The following ABCC4 variants were observed in gnomAD, a reference collection of about 807,000 sequenced individuals.
ABCC4 encodes the protein ATP binding cassette subfamily C member 4 (PEL blood group).
In ABCC4, 102 loss-of-function variants were observed where a neutral mutation model predicts 168.5. The observed-to-expected ratio is 0.61, with a 90% CI of 0.52 to 0.71. The LOEUF is 0.71. Among genes scored for constraint, ABCC4 ranks in the 30% least tolerant of loss-of-function variants. The probability of loss-of-function intolerance (pLI) is 0.00; values close to 1 mark genes in which losing one functional copy is unlikely to be tolerated. For synonymous variants in ABCC4, 617 were observed against 590.7 expected, an observed-to-expected ratio of 1.04 and a Z score of -0.65; for missense variants, 1,402 against 1,605.8, an observed-to-expected ratio of 0.87 and a Z score of 2.17.
At chr13:95,148,332 G>A (rs1057312264) in intron 19 of ABCC4, among the ~76,000 whole-genome samples, 3 of 152,072 alleles carry the variant, frequency 2.0e-5, no homozygotes, top group African/African-American at 7.2e-5. Context: ...TCACATTTGG[G>A]CAGGCTGATT....
At chr13:95,264,061 A>G (rs1420452616) in intron 1 of ABCC4, among the ~76,000 whole-genome samples, 7 of 152,352 alleles carry the variant, frequency 4.6e-5, no homozygotes, top group Admixed American at 4.6e-4. Context: ...CCCACTGGCC[A>G]AACCTGGGAC....
chr13:95,296,177 CACACACAAA>C (rs2041530166), intron 1 of ABCC4, among the ~76,000 whole-genome samples: 1 of 69,764 alleles, frequency 1.4e-5, no homozygotes, highest in Admixed American at 1.6e-4. Flanking sequence ...CACACACACA[CACACACAAA>C]AACACAAAAT....
At chr13:95,240,953 A>G (rs2039924916) in intron 3 of ABCC4, among the ~76,000 whole-genome samples, 1 of 151,272 alleles carries the variant, frequency 6.6e-6, no homozygotes, top group Non-Finnish European at 1.5e-5. Context: ...CCTGGGTGAC[A>G]GAGTGAGACT....
At chr13:95,180,886 C>CT (rs1186924331) in intron 11 of ABCC4, among the ~76,000 whole-genome samples, 3 of 152,202 alleles carry the variant, frequency 2.0e-5, no homozygotes, top group African/African-American at 4.8e-5. Flanking sequence ...GGTAGTAGCA[C>CT]TTTGAGTACT....
chr13:95,070,193 G>C (rs142099209), intron 25 of ABCC4, among the ~76,000 whole-genome samples: 1 of 152,138 alleles, frequency 6.6e-6, no homozygotes, highest in African/African-American at 2.4e-5. Context: ...GCAGTGTGCC[G>C]GGAATGTGAC....
intron 19 of ABCC4, among the ~76,000 whole-genome samples, chr13:95,146,948 A>T (rs1209616042): frequency 5.3e-5 from 8 of 152,234 alleles, no homozygotes; most frequent in Non-Finnish European, 1.0e-4. Flanking sequence ...AGGGTGGGGC[A>T]AAACTATTAT....
At chr13:95,189,948 A>G (rs1486829014) in intron 9 of ABCC4, among the ~76,000 whole-genome samples, 2 of 152,176 alleles carry the variant, frequency 1.3e-5, no homozygotes, top group African/African-American at 4.8e-5. Context: ...TTCCTAAACA[A>G]TCTATAAATT....
chr13:95,281,846 C>T (rs2041132673), intron 1 of ABCC4, among the ~76,000 whole-genome samples: 1 of 152,162 alleles, frequency 6.6e-6, no homozygotes. Context: ...ATGGCTCACA[C>T]CTGTAATCCC....
chr13:95,156,399 G>A (rs2036855479), intron 19 of ABCC4, among the ~76,000 whole-genome samples: 1 of 152,196 alleles, frequency 6.6e-6, no homozygotes, highest in Admixed American at 6.5e-5. Context: ...AGATCATGCT[G>A]CCCTCTTGTG....
intron 1 of ABCC4, among the ~76,000 whole-genome samples, chr13:95,290,390 C>T (rs920118005): frequency 6.6e-6 from 1 of 152,086 alleles, no homozygotes; most frequent in Non-Finnish European, 1.5e-5. Flanking sequence ...TGAAAAGCAG[C>T]ACCAAGAGCC....
At chr13:95,236,053 T>A (rs1397869045) in intron 3 of ABCC4, among the ~76,000 whole-genome samples, 1 of 152,098 alleles carries the variant, frequency 6.6e-6, no homozygotes, top group East Asian at 1.9e-4. Context: ...CCTCCAAGAC[T>A]AAAGGCAAAG....
rs528663647 is a variant in ABCC4 at position 95,279,910 on chromosome 13, C to A, written c.74+21331G>T. On this transcript the variant is annotated intron_variant, in intron 1 of 30. Coordinates refer to ENST00000645237, the MANE Select transcript of ABCC4 (RefSeq NM_005845.5). ...CTGGCCCAATTCCCTGGGACCACCACCCTGGAAGGACACTTGAGCCCTACT... is the reference window on the plus strand; with the variant it reads ...CTGGCCCAATTCCCTGGGACCACCAACCTGGAAGGACACTTGAGCCCTACT... Among the ~76,000 whole-genome samples, 569 of 152,236 alleles carry A rather than the reference C, an allele frequency of 3.7e-3. 5 individuals carry two copies. Among genetic ancestry groups the A allele is most frequent in the Non-Finnish European group, 5.7e-3 (391 of 68,022 alleles).
In ABCC4 at chr13:95,236,616, ACACACT is replaced by A. The variant is rs3047253; in HGVS notation, c.307-1788_307-1783del. Among the ~76,000 whole-genome samples, 192 of 152,026 alleles carry A rather than the reference ACACACT, an allele frequency of 1.3e-3. 1 individual carries two copies. The highest frequency in any genetic ancestry group is 6.8e-3 in the Middle Eastern group (2 of 294). ...CGCGCGTGCGCGCACACACACACACACACACTCTCTCTCACACACTTCACCAACTGC... is the reference window on the plus strand; with the variant it reads ...CGCGCGTGCGCGCACACACACACACACTCTCTCACACACTTCACCAACTGC... On this transcript the variant is annotated intron_variant, in intron 3 of 30. Coordinates refer to ENST00000645237, the MANE Select transcript of ABCC4 (RefSeq NM_005845.5).
At chr13:95,202,644 CTT>C (rs10603210) in intron 8 of ABCC4, among the ~76,000 whole-genome samples, 2 of 93,064 alleles carry the variant, frequency 2.1e-5, no homozygotes, top group Admixed American at 1.2e-4. Flanking sequence ...AGAATGTGCA[CTT>C]TTTTTTTTTT....
At position 95,046,351 on chromosome 13, in the gene ABCC4, T is replaced by C. The variant is rs191722382; in HGVS notation, c.3457-1913A>G. Among the ~76,000 whole-genome samples the C allele has an allele frequency of 1.8e-3, 267 of 152,298 alleles. 1 individual carries two copies. Among genetic ancestry groups the C allele is most frequent in the Non-Finnish European group, 2.6e-3 (176 of 68,012 alleles). ...TGGGTTTTGACCCTCCTTGAGGTTA[T>C]CCACATTGACTTGATGAAGAATAGG... On this transcript the variant is annotated intron_variant, in intron 27 of 30. Coordinates refer to ENST00000645237, the MANE Select transcript of ABCC4 (RefSeq NM_005845.5).
In ABCC4 at chr13:95,073,563, G is replaced by A. The variant is rs146086289; in HGVS notation, c.2918-259C>T. On this transcript the variant is annotated intron_variant, in intron 23 of 30. Coordinates refer to ENST00000645237, the MANE Select transcript of ABCC4 (RefSeq NM_005845.5). ...AGATTTAATTAACAGTATTACAAAC[G>A]CAAGAAATAATGTCATTATTCAGAC... is the stretch of plus-strand genomic sequence containing the variant. 5.5e-4 allele frequency: 159 copies of A among 287,992 alleles called. 2 individuals are homozygous for A. The East Asian group carries it at 9.7e-3, about 18-fold the overall frequency. The allele number at this position is 287,992 out of a possible 1,614,324, so 17.8% of individuals were successfully genotyped here.
chr13:95,124,207 T>G (rs1211021737), intron 19 of ABCC4, among the ~76,000 whole-genome samples: 1 of 152,110 alleles, frequency 6.6e-6, no homozygotes, highest in African/African-American at 2.4e-5. Flanking sequence ...GATGGACGTT[T>G]TACACATTTG....
At chr13:95,028,281 T>C (rs996097452) in intron 30 of ABCC4, among the ~76,000 whole-genome samples, 3 of 152,160 alleles carry the variant, frequency 2.0e-5, no homozygotes, top group Admixed American at 6.5e-5. Context: ...ATTAACAAAG[T>C]AGAACTAATT....
Position 95,026,888 on chromosome 13 carries a change from CAA to C in ABCC4, c.3871-5208_3871-5207del, listed in dbSNP as rs35654581. On this transcript the variant is annotated intron_variant, in intron 30 of 30. Transcript: ENST00000645237. ...TGGACAACAGAGCAAGACCCTGTCTCAAAAAAAAAAAAGAAAAAGAAAGAAAG... is the reference window on the plus strand; with the variant it reads ...TGGACAACAGAGCAAGACCCTGTCTCAAAAAAAAAAGAAAAAGAAAGAAAG... Among the ~76,000 whole-genome samples, 450 of 142,496 alleles carry C rather than the reference CAA, an allele frequency of 3.2e-3. 3 individuals carry two copies. Among genetic ancestry groups the C allele is most frequent in the African/African-American group, 9.4e-3 (362 of 38,676 alleles). 93.5% of individuals were successfully genotyped at this position (142,496 alleles called of 152,430 possible).
Sources: allele counts gnomAD v4.1 joint callset (sites outside exome capture counted in the v4.1 genomes callset), GRCh38; gene constraint gnomAD v4.1.1; transcripts MANE v1.5; gene names NCBI Gene and HGNC (gene_info 2026-07-23, HGNC 2026-07-21).